The following PSD3 variants were observed in gnomAD, a reference collection of about 807,000 sequenced individuals.
The protein encoded by PSD3 is pleckstrin and Sec7 domain containing 3.
PSD3 carries 49 observed loss-of-function variants against 105.5 expected under a neutral mutation model. The observed-to-expected ratio is 0.46, with a 90% CI of 0.37 to 0.59. The LOEUF is 0.59. Among genes scored for constraint, PSD3 ranks in the 20% least tolerant of loss-of-function variants. PSD3 has a pLI of 0.00. For synonymous variants in PSD3, 557 were observed against 457.8 expected, an observed-to-expected ratio of 1.22 and a Z score of -2.77; for missense variants, 1,561 against 1,263.8, an observed-to-expected ratio of 1.24 and a Z score of -3.57.
chr8:18,882,168 AC>A (rs1818146469), intron 2 of PSD3, among the ~76,000 whole-genome samples: 1 of 152,142 alleles, frequency 6.6e-6, no homozygotes, highest in Non-Finnish European at 1.5e-5. Flanking sequence ...TGATTGTGCC[AC>A]TGCCCTCTAG....
chr8:18,961,506 T>A (rs1411680979), intron 1 of PSD3, among the ~76,000 whole-genome samples: 1 of 152,084 alleles, frequency 6.6e-6, no homozygotes, highest in African/African-American at 2.4e-5. Flanking sequence ...CTGGCCAACA[T>A]GATGAAACCC....
At chr8:19,020,523 G>T (rs965034111) in intron 1 of PSD3, among the ~76,000 whole-genome samples, 4 of 152,040 alleles carry the variant, frequency 2.6e-5, no homozygotes, top group African/African-American at 9.7e-5. Context: ...GACCTTATAG[G>T]TTGTTGTAAA....
At chr8:18,638,661 T>C (rs1323433292) in intron 10 of PSD3, among the ~76,000 whole-genome samples, 4 of 152,132 alleles carry the variant, frequency 2.6e-5, no homozygotes, top group Non-Finnish European at 4.4e-5. Context: ...CCCATGTTAA[T>C]GAACTGGAAG....
intron 9 of PSD3, among the ~76,000 whole-genome samples, chr8:18,731,400 G>C (rs1426068647): frequency 6.6e-6 from 1 of 152,200 alleles, no homozygotes; most frequent in Non-Finnish European, 1.5e-5. Flanking sequence ...GACATTGGAA[G>C]ATTCTGCCAA....
intron 9 of PSD3, chr8:18,730,452 T>A (rs1202225848): frequency 6.6e-6 from 1 of 152,216 alleles, no homozygotes; most frequent in Non-Finnish European, 1.5e-5. Flanking sequence ...TATATATAAA[T>A]ATTAATGAGA....
In PSD3 at chr8:18,951,882, T is replaced by A. The variant is rs946524005; in HGVS notation, c.22-15740A>T. On this transcript the variant is annotated intron_variant, in intron 1 of 15. Coordinates refer to ENST00000327040, the MANE Select transcript of PSD3 (RefSeq NM_015310.4). ...TGCCTGTAATCCTGAGGCAGAAGAATCATTTGAACCTGGGAAGCGGAGGTT... is the reference window on the plus strand; with the variant it reads ...TGCCTGTAATCCTGAGGCAGAAGAAACATTTGAACCTGGGAAGCGGAGGTT... 6.6e-5 allele frequency among the ~76,000 whole-genome samples: 10 copies of A among 151,972 alleles called. No individual in the cohort carries two copies. In the East Asian group the frequency reaches 1.6e-3, roughly 24 times the overall value.
intron 15 of PSD3, among the ~76,000 whole-genome samples, chr8:18,547,330 C>G (rs538609188): frequency 6.6e-6 from 1 of 152,214 alleles, no homozygotes; most frequent in African/African-American, 2.4e-5. Flanking sequence ...GTGTGAACTA[C>G]AGGCAGCTCC....
At chr8:18,927,966 T>C (rs6586786) in intron 2 of PSD3, among the ~76,000 whole-genome samples, 73,835 of 152,062 alleles carry the variant, frequency 0.49, 19,170 homozygotes, top group East Asian at 0.68. Flanking sequence ...AATGTAGAAT[T>C]GCCATTCAAC....
At chr8:18,668,130 C>T (rs902369463) in intron 9 of PSD3, among the ~76,000 whole-genome samples, 35 of 152,226 alleles carry the variant, frequency 2.3e-4, no homozygotes, top group Admixed American at 2.3e-3. Context: ...AACGGGCTCC[C>T]ACAGTGCAGC....
At chr8:18,952,041 T>C (rs1311312546) in intron 1 of PSD3, among the ~76,000 whole-genome samples, 1 of 152,082 alleles carries the variant, frequency 6.6e-6, no homozygotes, top group Non-Finnish European at 1.5e-5. Context: ...ACTGATTCAG[T>C]CTCACAAATA....
rs562356780 is a variant in PSD3, at chr8:18,696,176, A to G, written c.2173-40491T>C. On this transcript the variant is annotated intron_variant, in intron 9 of 15. Coordinates refer to ENST00000327040, the MANE Select transcript of PSD3 (RefSeq NM_015310.4). ...GTCCCAGAGCTCTGCAAGGATTCAC[A>G]GAGGCCTTTGTTGAGATGGCATTGC... is the stretch of plus-strand genomic sequence containing the variant. Among the ~76,000 whole-genome samples the G allele has an allele frequency of 3.3e-5, 5 of 152,334 alleles. No homozygotes were observed. In the East Asian group the frequency reaches 9.7e-4, roughly 29 times the overall value.
chr8:18,989,439 T>C (rs1353775935), intron 1 of PSD3: 2 of 152,222 alleles, frequency 1.3e-5, no homozygotes, highest in East Asian at 1.9e-4. Context: ...TTTGGTTTTA[T>C]TTTTAACATG....
At chr8:19,006,198 G>A (rs144582241) in intron 1 of PSD3, among the ~76,000 whole-genome samples, 2,387 of 150,670 alleles carry the variant, frequency 0.016, 68 homozygotes, top group African/African-American at 0.055. Context: ...GAGGTGGAGG[G>A]AGGAGAATCA....
chr8:18,867,655 A>C lies in PSD3; in HGVS notation c.1634+19T>G, dbSNP rs1817035066. 1.3e-6 allele frequency: 2 copies of C among 1,573,074 alleles called. No homozygotes were observed. The highest frequency in any genetic ancestry group is 1.7e-6 in the Non-Finnish European group (2 of 1,158,664). ...TACAAAAACCACCAGCATGAAATGA[A>C]TGAGAATGGGACGAGTACCTTCCCC... On this transcript the variant is annotated intron_variant, in intron 4 of 15. Transcript: ENST00000327040.
At chr8:18,867,234 T>C (rs1376675213) in intron 4 of PSD3, among the ~76,000 whole-genome samples, 1 of 152,178 alleles carries the variant, frequency 6.6e-6, no homozygotes, top group Non-Finnish European at 1.5e-5. Flanking sequence ...GAAGAGACTT[T>C]GCTGACTGTA....
intron 2 of PSD3, among the ~76,000 whole-genome samples, chr8:18,896,150 A>G (rs1171672614): frequency 6.6e-6 from 1 of 152,222 alleles, no homozygotes; most frequent in Admixed American, 6.5e-5. Flanking sequence ...ACAGAATTTC[A>G]TTCTTTGTTA....
At chr8:18,651,256 A>G (rs985250166) in intron 10 of PSD3, among the ~76,000 whole-genome samples, 2 of 152,222 alleles carry the variant, frequency 1.3e-5, no homozygotes, top group Non-Finnish European at 2.9e-5. Context: ...GAACCCAGTC[A>G]GAAAACCAAT....
intron 1 of PSD3, among the ~76,000 whole-genome samples, chr8:19,073,440 A>G (rs1365261458): frequency 4.0e-5 from 6 of 151,380 alleles, no homozygotes; most frequent in Non-Finnish European, 8.8e-5. Context: ...AATCCCAGCT[A>G]CTTGGGAGGC....
intron 9 of PSD3, chr8:18,684,187 C>A: frequency 3.0e-6 from 1 of 338,136 alleles, no homozygotes; most frequent in African/African-American, 2.2e-5. Flanking sequence ...TCCACCCCTG[C>A]TACTCGTCTC....
Sources: allele counts gnomAD v4.1 joint callset (sites outside exome capture counted in the v4.1 genomes callset), GRCh38; gene constraint gnomAD v4.1.1; transcripts MANE v1.5; gene names NCBI Gene and HGNC (gene_info 2026-07-23, HGNC 2026-07-21).